The following THAP12 variants were observed in gnomAD, a reference collection of about 807,000 sequenced individuals.
The protein encoded by THAP12 is 52 kDa repressor of the inhibitor of the protein kinase.
A neutral mutation model predicts 63.0 loss-of-function variants in THAP12; 20 were observed. The ratio of observed to expected loss-of-function variants is 0.32; its 90% confidence interval spans 0.22 to 0.46. The LOEUF (loss-of-function observed/expected upper bound fraction) is 0.46. Among genes scored for constraint, THAP12 ranks in the 20% least tolerant of loss-of-function variants. The probability of loss-of-function intolerance (pLI) is 1.00; values close to 1 mark genes in which losing one functional copy is unlikely to be tolerated. For missense variants in THAP12, 568 were observed against 908.2 expected, an observed-to-expected ratio of 0.63 and a Z score of 4.81; for synonymous variants, 264 against 328.4, an observed-to-expected ratio of 0.80 and a Z score of 2.12.
intron 1 of THAP12, among the ~76,000 whole-genome samples, chr11:76,373,057 T>G (rs903979280): frequency 6.6e-6 from 1 of 152,192 alleles, no homozygotes; most frequent in Non-Finnish European, 1.5e-5. Context: ...CAAAATTTAC[T>G]GCAAGGGTAA....
intron 1 of THAP12, among the ~76,000 whole-genome samples, chr11:76,370,820 C>CAAAAAAA (rs758821570): frequency 1.9e-5 from 1 of 52,762 alleles, no homozygotes. Flanking sequence ...GACTCCGTCT[C>CAAAAAAA]AAAAAAAAAG....
intron 1 of THAP12, among the ~76,000 whole-genome samples, chr11:76,379,663 T>A (rs1244259279): frequency 1.3e-5 from 2 of 152,218 alleles, no homozygotes; most frequent in Non-Finnish European, 2.9e-5. Context: ...GTGCGTCCCT[T>A]GATACTACTT....
At chr11:76,377,698 G>A (rs1343416621) in intron 1 of THAP12, among the ~76,000 whole-genome samples, 1 of 152,194 alleles carries the variant, frequency 6.6e-6, no homozygotes, top group East Asian at 1.9e-4. Context: ...GTGCTGCTAT[G>A]AATGTGTGTA....
At chr11:76,373,898 T>C (rs1350907104) in intron 1 of THAP12, among the ~76,000 whole-genome samples, 1 of 152,174 alleles carries the variant, frequency 6.6e-6, no homozygotes, top group Non-Finnish European at 1.5e-5. Flanking sequence ...TTCATTAAAA[T>C]ACCAACCTTA....
intron 1 of THAP12, among the ~76,000 whole-genome samples, chr11:76,380,308 G>C (rs916617034): frequency 1.3e-5 from 2 of 152,180 alleles, no homozygotes; most frequent in Non-Finnish European, 2.9e-5. Flanking sequence ...ACTCAAAACA[G>C]AAACACTGTC....
intron 1 of THAP12, among the ~76,000 whole-genome samples, chr11:76,369,211 A>T (rs74731335): frequency 0.016 from 2,502 of 152,308 alleles, 67 homozygotes; most frequent in African/African-American, 0.057. Flanking sequence ...TACCCACAAG[A>T]ATGACTACAA....
chr11:76,359,831 G>GA (rs149577380), intron 3 of THAP12, among the ~76,000 whole-genome samples: 11,369 of 146,682 alleles, frequency 0.078, 712 homozygotes, highest in African/African-American at 0.17. Context: ...TCTCGGGGGG[G>GA]AAAAAAAAAA....
intron 1 of THAP12, among the ~76,000 whole-genome samples, chr11:76,367,610 A>G (rs1413725124): frequency 1.3e-5 from 2 of 151,090 alleles, no homozygotes; most frequent in African/African-American, 2.4e-5. Context: ...TATAGTACAG[A>G]TGGGGTTTCA....
intron 1 of THAP12, 148 bp downstream of exon 1, chr11:76,380,600 C>T (rs1946748703): frequency 1.9e-6 from 1 of 535,798 alleles, no homozygotes; most frequent in East Asian, 4.4e-5. Flanking sequence ...GGCTCCCCAT[C>T]TCGGTCCAAC....
chr11:76,376,621 TTTG>T (rs1335096588), intron 1 of THAP12, among the ~76,000 whole-genome samples: 5 of 141,800 alleles, frequency 3.5e-5, no homozygotes, highest in Admixed American at 2.8e-4. Flanking sequence ...CTATGTTTTT[TTTG>T]TTTTTTTTTT....
rs1946757004 is a variant in THAP12, at chr11:76,381,074, C to G, written c.-238G>C. The G allele has an allele frequency of 5.1e-6, 1 of 197,568 alleles. No individual in the cohort carries two copies. Among genetic ancestry groups the G allele is most frequent in the African/African-American group, 2.3e-5 (1 of 42,578 alleles). 12.2% of individuals were successfully genotyped at this position (197,568 alleles called of 1,614,324 possible). On this transcript the variant is annotated 5_prime_UTR_variant, in exon 1 of 5. Coordinates refer to ENST00000260045, the MANE Select transcript of THAP12 (RefSeq NM_004705.4). ...AGCGGCCGGGAGGATTTACCGCCGCCGCCGCCGCTGGTGCACCTCCCGCCC... is the reference window on the plus strand; with the variant it reads ...AGCGGCCGGGAGGATTTACCGCCGCGGCCGCCGCTGGTGCACCTCCCGCCC...
At chr11:76,366,812 T>C (rs1946634582) in intron 1 of THAP12, among the ~76,000 whole-genome samples, 1 of 152,092 alleles carries the variant, frequency 6.6e-6, no homozygotes, top group Non-Finnish European at 1.5e-5. Flanking sequence ...CTGACTAGAT[T>C]GCAAGCTCCA....
intron 1 of THAP12, among the ~76,000 whole-genome samples, chr11:76,378,855 T>C (rs1273377453): frequency 6.6e-6 from 1 of 151,804 alleles, no homozygotes; most frequent in East Asian, 2.0e-4. Flanking sequence ...GTGATCCGCC[T>C]GCTTAGGCCT....
chr11:76,367,090 T>C (rs1225845165), intron 1 of THAP12, among the ~76,000 whole-genome samples: 3 of 152,068 alleles, frequency 2.0e-5, no homozygotes, highest in East Asian at 3.8e-4. Context: ...TCTTTTTTTT[T>C]TTTGAGACAG....
intron 3 of THAP12, chr11:76,359,236 GT>G (rs1252481003): frequency 6.6e-6 from 1 of 151,992 alleles, no homozygotes; most frequent in Admixed American, 6.6e-5. Context: ...AAAATTTTTC[GT>G]TTTCTGTACT....
intron 3 of THAP12, chr11:76,357,617 A>G (rs994739560): frequency 1.3e-5 from 2 of 152,196 alleles, no homozygotes; most frequent in African/African-American, 4.8e-5. Context: ...GAATAGCAAT[A>G]ATGGATGCAA....
intron 3 of THAP12, among the ~76,000 whole-genome samples, chr11:76,360,546 T>C (rs978241489): frequency 3.3e-5 from 5 of 152,246 alleles, no homozygotes; most frequent in African/African-American, 1.2e-4. Flanking sequence ...TTAATAGTGA[T>C]AGAAACCTTA....
At chr11:76,373,456 C>A (rs1466941938) in intron 1 of THAP12, among the ~76,000 whole-genome samples, 1 of 151,658 alleles carries the variant, frequency 6.6e-6, no homozygotes, top group East Asian at 2.0e-4. Flanking sequence ...TGTCTCACAT[C>A]TGCAATCCTA....
intron 1 of THAP12, among the ~76,000 whole-genome samples, chr11:76,376,614 TG>T (rs1403156479): frequency 7.9e-5 from 10 of 126,026 alleles, no homozygotes; most frequent in African/African-American, 2.3e-4. Context: ...ATTGTGTCTA[TG>T]TTTTTTTTGT....
Sources: gnomAD v4.1 joint callset for allele counts (sites outside exome capture counted in the v4.1 genomes callset) on GRCh38, gnomAD v4.1.1 for gene constraint, MANE v1.5 for transcripts, NCBI Gene and HGNC (gene_info 2026-07-23, HGNC 2026-07-21) for gene names.